PDK3: variants seen among roughly 807,000 people sequenced by gnomAD.
PDK3 encodes pyruvate dehydrogenase kinase, isozyme 3.
Under a neutral mutation model 32.0 loss-of-function variants are expected in PDK3, and 12 were observed. The observed-to-expected ratio is 0.37, with a 90% CI of 0.24 to 0.61. The LOEUF (loss-of-function observed/expected upper bound fraction) is 0.61. Among genes scored for constraint, PDK3 ranks in the 20% least tolerant of loss-of-function variants. The pLI is 0.65. For synonymous variants in PDK3, 122 were observed against 116.3 expected, an observed-to-expected ratio of 1.05 and a Z score of -0.31; for missense variants, 188 against 316.9, an observed-to-expected ratio of 0.59 and a Z score of 3.09.
At chrX:24,481,857 G>A (rs1921268931) in intron 1 of PDK3, among the ~76,000 whole-genome samples, 1 of 111,889 alleles carries the variant, frequency 8.9e-6, no homozygotes, top group African/African-American at 3.3e-5. Flanking sequence ...CTAGCCACAT[G>A]AGAACAAACT....
At chrX:24,508,615 C>T (rs1922041157) in intron 5 of PDK3, among the ~76,000 whole-genome samples, 1 of 111,506 alleles carries the variant, frequency 9.0e-6, no homozygotes, top group Admixed American at 9.5e-5. Flanking sequence ...TGTGATTTGA[C>T]TCTTAATGTG....
chrX:24,477,854 A>G (rs951372328), intron 1 of PDK3, among the ~76,000 whole-genome samples: 40 of 112,012 alleles, frequency 3.6e-4, no homozygotes, highest in African/African-American at 1.1e-3. Context: ...CTTTGATCAT[A>G]TGCTAAGCTC....
intron 5 of PDK3, among the ~76,000 whole-genome samples, chrX:24,505,580 A>G (rs780331225): frequency 8.9e-6 from 1 of 112,511 alleles, no homozygotes; most frequent in South Asian, 3.7e-4. Context: ...ACATTTAAGT[A>G]AGATTCTGAT....
At position 24,465,426 on chromosome X, in the gene PDK3, T is replaced by C; in HGVS notation, c.-30T>C. ...CAGCCCTTGCGGCCACCCGGGCGTC[T>C]AGGCGGGTCTGTGCGCCGCCCGGGC... On this transcript the variant is annotated 5_prime_UTR_variant, in exon 1 of 11. Coordinates refer to ENST00000379162, the MANE Select transcript of PDK3 (RefSeq NM_005391.5). 2 of 1,111,771 alleles carry C rather than the reference T, an allele frequency of 1.8e-6. No homozygotes were observed. Among genetic ancestry groups the C allele is most frequent in the East Asian group, 3.1e-5 (1 of 31,937 alleles). The allele number at this position is 1,111,771 out of a possible 1,213,427, so 91.6% of individuals were successfully genotyped here. A position where few individuals can be genotyped will look rare whatever the true frequency, so the allele number is the denominator to read the frequency against.
chrX:24,513,314 GAA>G (rs764515313), intron 5 of PDK3: 2 of 110,965 alleles, frequency 1.8e-5, no homozygotes, highest in South Asian at 3.9e-4. Context: ...TGCCTTATTA[GAA>G]TTGCTTTGAG....
chrX:24,506,805 T>C (rs962934642), intron 5 of PDK3, among the ~76,000 whole-genome samples: 12 of 69,349 alleles, frequency 1.7e-4, no homozygotes, highest in Non-Finnish European at 1.4e-4. Flanking sequence ...TTCTTTCTTT[T>C]TTTTTTTTTT....
At chrX:24,490,518 T>C (rs955157059) in intron 1 of PDK3, among the ~76,000 whole-genome samples, 2 of 111,667 alleles carry the variant, frequency 1.8e-5, no homozygotes, top group Admixed American at 1.9e-4. Flanking sequence ...CTCAAAAAAC[T>C]CTGAAAATTG....
chrX:24,509,759 G>T (rs374458641), intron 5 of PDK3, among the ~76,000 whole-genome samples: 2 of 111,111 alleles, frequency 1.8e-5, no homozygotes, highest in East Asian at 5.6e-4. Flanking sequence ...CTTCATAAAC[G>T]ATGCATACCG....
intron 1 of PDK3, among the ~76,000 whole-genome samples, chrX:24,480,152 C>T (rs900686611): frequency 2.7e-5 from 3 of 111,492 alleles, no homozygotes; most frequent in African/African-American, 9.8e-5. Flanking sequence ...GTTTCCTTCT[C>T]GAGTTTGTTT....
intron 3 of PDK3, among the ~76,000 whole-genome samples, chrX:24,501,598 C>T (rs1921859250): frequency 8.9e-6 from 1 of 112,180 alleles, no homozygotes; most frequent in Admixed American, 9.4e-5. Context: ...CCTGTAATCC[C>T]AGGTACTTTG....
intron 6 of PDK3, among the ~76,000 whole-genome samples, chrX:24,523,755 G>A (rs1271937180): frequency 9.0e-6 from 1 of 111,651 alleles, no homozygotes; most frequent in East Asian, 2.8e-4. Flanking sequence ...GGGCCTCTCT[G>A]CTCAGAGGCC....
intron 5 of PDK3, among the ~76,000 whole-genome samples, chrX:24,505,652 C>T (rs1034712590): frequency 8.9e-6 from 1 of 111,902 alleles, no homozygotes; most frequent in African/African-American, 3.2e-5. Flanking sequence ...AGGTTGAATT[C>T]ACGTGTCTAT....
intron 5 of PDK3, among the ~76,000 whole-genome samples, chrX:24,510,072 C>T (rs1922080098): frequency 8.9e-6 from 1 of 111,913 alleles, no homozygotes; most frequent in Middle Eastern, 4.6e-3. Flanking sequence ...CAGGGCAGCA[C>T]GGAGTAAAAA....
At chrX:24,542,630 G>T (rs1404085768) in exon 12 of PDK3, among the ~76,000 whole-genome samples, 1 of 112,307 alleles carries the variant, frequency 8.9e-6, no homozygotes, top group Non-Finnish European at 1.9e-5. Flanking sequence ...TTCCATTTTG[G>T]CATAGTTAGA....
At chrX:24,526,651 G>A (rs1404968203) in intron 7 of PDK3, among the ~76,000 whole-genome samples, 1 of 112,167 alleles carries the variant, frequency 8.9e-6, no homozygotes, top group Non-Finnish European at 1.9e-5. Context: ...TTATGCTTCT[G>A]AAAATTAACC....
intron 4 of PDK3, among the ~76,000 whole-genome samples, chrX:24,503,846 A>C (rs1921920530): frequency 8.9e-6 from 1 of 112,065 alleles, no homozygotes; most frequent in African/African-American, 3.2e-5. Flanking sequence ...CTCAGATTGT[A>C]TTATTTTCTT....
chrX:24,531,913 C>T (rs1922659327), intron 10 of PDK3, 143 bp downstream of exon 10: 1 of 389,325 alleles, frequency 2.6e-6, no homozygotes, highest in Non-Finnish European at 4.5e-6. Flanking sequence ...TGTTATGCCT[C>T]ACGCTTGATT....
At chrX:24,478,690 G>A (rs1017413916) in intron 1 of PDK3, among the ~76,000 whole-genome samples, 2 of 111,977 alleles carry the variant, frequency 1.8e-5, no homozygotes, top group Admixed American at 9.5e-5. Flanking sequence ...CAGAAAAATT[G>A]TAGTAAACTA....
At chrX:24,474,569 A>C (rs1462502632) in intron 1 of PDK3, among the ~76,000 whole-genome samples, 2 of 109,394 alleles carry the variant, frequency 1.8e-5, no homozygotes, top group Admixed American at 9.8e-5. Context: ...ATGCGCCACC[A>C]CGCCCGGCTA....
Sources: gnomAD v4.1 joint callset for allele counts (sites outside exome capture counted in the v4.1 genomes callset) on GRCh38, gnomAD v4.1.1 for gene constraint, MANE v1.5 for transcripts, NCBI Gene and HGNC (gene_info 2026-07-23, HGNC 2026-07-21) for gene names.